PTPRD: variants seen among roughly 807,000 people sequenced by gnomAD.
The protein encoded by PTPRD is protein tyrosine phosphatase receptor type D.
In PTPRD, 34 loss-of-function variants were observed where a neutral mutation model predicts 214.5. The ratio of observed to expected loss-of-function variants is 0.16; its 90% confidence interval spans 0.12 to 0.21. The LOEUF is 0.21. Ranked by LOEUF, PTPRD falls within the 10% of genes least tolerant of loss-of-function variation. The pLI is 1.00. For synonymous variants in PTPRD, 1,128 were observed against 845.7 expected, an observed-to-expected ratio of 1.33 and a Z score of -5.79; for missense variants, 2,545 against 2,398.7, an observed-to-expected ratio of 1.06 and a Z score of -1.27.
At chr9:9,655,101 T>A (rs942356394) in intron 7 of PTPRD, among the ~76,000 whole-genome samples, 21 of 152,180 alleles carry the variant, frequency 1.4e-4, no homozygotes, top group Non-Finnish European at 2.5e-4. Flanking sequence ...CCTATTTTTT[T>A]AATAATTAAA....
chr9:10,475,605 A>G (rs1253742301), intron 2 of PTPRD, among the ~76,000 whole-genome samples: 1 of 152,168 alleles, frequency 6.6e-6, no homozygotes, highest in Non-Finnish European at 1.5e-5. Context: ...AACAATAGAA[A>G]AAAAGGGACT....
intron 3 of PTPRD, among the ~76,000 whole-genome samples, chr9:10,239,817 C>G (rs542478917): frequency 1.3e-5 from 2 of 151,896 alleles, no homozygotes; most frequent in Admixed American, 6.6e-5. Context: ...GATCTTCTCC[C>G]GCCCTCCTGC....
chr9:8,340,921 A>C (rs1851873737), intron 41 of PTPRD, among the ~76,000 whole-genome samples, 169 bp downstream of exon 41: 1 of 152,074 alleles, frequency 6.6e-6, no homozygotes, highest in Admixed American at 6.6e-5. Flanking sequence ...CATAACTACT[A>C]CTCCTAACTC....
chr9:10,400,400 T>G (rs1413835158), intron 2 of PTPRD, among the ~76,000 whole-genome samples: 1 of 151,816 alleles, frequency 6.6e-6, no homozygotes, highest in African/African-American at 2.4e-5. Context: ...TTTTTTCATG[T>G]AATTAGTTGA....
chr9:9,953,736 A>T (rs1459779008), intron 4 of PTPRD, among the ~76,000 whole-genome samples: 3 of 152,214 alleles, frequency 2.0e-5, no homozygotes, highest in Non-Finnish European at 2.9e-5. Flanking sequence ...GGTTTTAAAC[A>T]TATTTTAACT....
intron 3 of PTPRD, among the ~76,000 whole-genome samples, chr9:10,107,206 G>A (rs150571797): frequency 2.6e-5 from 4 of 152,036 alleles, no homozygotes; most frequent in East Asian, 1.9e-4. Context: ...ATGAAATACC[G>A]GTCAGAGATG....
chr9:9,729,945 T>C (rs781498136), intron 7 of PTPRD, among the ~76,000 whole-genome samples: 9 of 152,140 alleles, frequency 5.9e-5, no homozygotes, highest in Non-Finnish European at 1.3e-4. Context: ...ATATACTATA[T>C]GCTTAAAAAG....
At chr9:9,847,725 A>C (rs902832994) in intron 5 of PTPRD, among the ~76,000 whole-genome samples, 1 of 151,970 alleles carries the variant, frequency 6.6e-6, no homozygotes, top group African/African-American at 2.4e-5. Context: ...AAACCTAATT[A>C]TCCCAGACTT....
intron 2 of PTPRD, among the ~76,000 whole-genome samples, chr9:10,580,324 C>A (rs774272877): frequency 2.6e-4 from 40 of 152,090 alleles, no homozygotes; most frequent in Non-Finnish European, 5.3e-4. Flanking sequence ...ATATTACATT[C>A]TTTGTCTTGG....
At chr9:9,370,975 G>T (rs2059333721) in intron 9 of PTPRD, among the ~76,000 whole-genome samples, 1 of 152,062 alleles carries the variant, frequency 6.6e-6, no homozygotes, top group Admixed American at 6.6e-5. Context: ...CTTGATCATG[G>T]TGGATAAGTT....
At chr9:10,350,796 G>A (rs766201777) in intron 2 of PTPRD, among the ~76,000 whole-genome samples, 2 of 152,062 alleles carry the variant, frequency 1.3e-5, no homozygotes, top group Admixed American at 6.6e-5. Context: ...AATGGTCATC[G>A]TGCACTTAGA....
At chr9:9,426,330 C>T (rs1044675669) in intron 8 of PTPRD, among the ~76,000 whole-genome samples, 7 of 152,300 alleles carry the variant, frequency 4.6e-5, no homozygotes, top group African/African-American at 1.2e-4. Flanking sequence ...AGTCTGAGAT[C>T]GAACTGCAAG....
chr9:9,328,948 C>T (rs1012328519), intron 9 of PTPRD, among the ~76,000 whole-genome samples: 4 of 151,776 alleles, frequency 2.6e-5, no homozygotes, highest in African/African-American at 9.7e-5. Context: ...TTTTTGATCA[C>T]CTTGGTTAAA....
chr9:9,591,381 A>G (rs1413426813), intron 7 of PTPRD, among the ~76,000 whole-genome samples: 1 of 151,978 alleles, frequency 6.6e-6, no homozygotes, highest in Non-Finnish European at 1.5e-5. Flanking sequence ...AAGGCCAGCA[A>G]ACTGTGTGAG....
At chr9:9,560,331 A>G (rs76086190) in intron 8 of PTPRD, among the ~76,000 whole-genome samples, 3,044 of 152,298 alleles carry the variant, frequency 0.02, 41 homozygotes, top group Admixed American at 0.026. Flanking sequence ...AGCCTGCAAG[A>G]ACATATGGTG....
intron 14 of PTPRD, among the ~76,000 whole-genome samples, chr9:8,536,097 T>C (rs940393793): frequency 6.6e-5 from 10 of 151,768 alleles, no homozygotes; most frequent in African/African-American, 1.9e-4. Flanking sequence ...CTCAGTAATA[T>C]TGTTATTTGT....
At chr9:9,403,413 C>CTCTCTT (rs1555360173) in intron 8 of PTPRD, among the ~76,000 whole-genome samples, 1 of 30,846 alleles carries the variant, frequency 3.2e-5, no homozygotes, top group Non-Finnish European at 6.6e-5. Flanking sequence ...TATATTTTCT[C>CTCTCTT]TCTCTCTTTC....
intron 10 of PTPRD, among the ~76,000 whole-genome samples, chr9:9,100,223 A>G (rs1214283793): frequency 6.6e-6 from 1 of 152,156 alleles, no homozygotes; most frequent in African/African-American, 2.4e-5. Context: ...ATTCAAAAAC[A>G]TATCAGATAA....
At chr9:10,238,941 G>A (rs2099637871) in intron 3 of PTPRD, among the ~76,000 whole-genome samples, 2 of 151,848 alleles carry the variant, frequency 1.3e-5, no homozygotes, top group South Asian at 4.1e-4. Flanking sequence ...TGACAACATG[G>A]GAATTTTAGC....
Sources: gnomAD v4.1 joint callset for allele counts (sites outside exome capture counted in the v4.1 genomes callset) on GRCh38, gnomAD v4.1.1 for gene constraint, MANE v1.5 for transcripts, NCBI Gene and HGNC (gene_info 2026-07-23, HGNC 2026-07-21) for gene names.